The following TRIM27 variants were observed in gnomAD, a reference collection of about 807,000 sequenced individuals.
TRIM27 encodes the protein zinc finger protein RFP.
In TRIM27, 12 loss-of-function variants were observed where a neutral mutation model predicts 57.6. The observed-to-expected ratio is 0.21, with a 90% CI of 0.13 to 0.34. TRIM27 has a LOEUF of 0.34. Ranked by LOEUF, TRIM27 falls within the 10% of genes least tolerant of loss-of-function variation. The probability of loss-of-function intolerance (pLI) is 1.00; values close to 1 mark genes in which losing one functional copy is unlikely to be tolerated. For synonymous variants in TRIM27, 266 were observed against 259.0 expected (o/e 1.03, Z -0.26); for missense variants, 403 against 656.8 (o/e 0.61, Z 4.22).
At chr6:28,914,456 T>C (rs1054010212) in intron 3 of TRIM27, among the ~76,000 whole-genome samples, 2 of 151,844 alleles carry the variant, frequency 1.3e-5, no homozygotes, top group Non-Finnish European at 2.9e-5. Flanking sequence ...AATAAGCACA[T>C]AATAATATGT....
chr6:28,911,458 G>A (rs1055457), intron 4 of TRIM27: 1 of 498,224 alleles, frequency 2.0e-6, no homozygotes, highest in Admixed American at 3.8e-5. Context: ...CTCCATGGAA[G>A]TGTCCTCATA....
chr6:28,916,275 G>A (rs971973597), intron 3 of TRIM27, among the ~76,000 whole-genome samples: 11 of 152,084 alleles, frequency 7.2e-5, no homozygotes, highest in Admixed American at 2.0e-4. Context: ...GTGATAGGCC[G>A]GGCGTGGTGG....
At chr6:28,908,211 G>C in intron 6 of TRIM27, 1 of 154,370 alleles carries the variant, frequency 6.5e-6, no homozygotes, top group Non-Finnish European at 1.4e-5. Context: ...TTCTATTCTA[G>C]AAGTGTTAGA....
chr6:28,905,543 T>C (rs1772705470), intron 7 of TRIM27: 1 of 152,170 alleles, frequency 6.6e-6, no homozygotes, highest in Admixed American at 6.6e-5. Context: ...AATCACTCTT[T>C]TAAAATTATT....
At chr6:28,908,933 A>G in intron 5 of TRIM27, 40 bp downstream of exon 5, 4 of 1,601,448 alleles carry the variant, frequency 2.5e-6, no homozygotes, top group Non-Finnish European at 3.4e-6. Flanking sequence ...GATACTCAGT[A>G]TAAATCCATT....
chr6:28,908,393 T>C (rs1401990163), intron 6 of TRIM27: 1 of 183,858 alleles, frequency 5.4e-6, no homozygotes, highest in Non-Finnish European at 1.1e-5. Context: ...CGGTGCTGCC[T>C]GTCAGTGCTG....
At chr6:28,918,411 TCTAC>T (rs1013473071) in intron 3 of TRIM27, among the ~76,000 whole-genome samples, 7 of 152,178 alleles carry the variant, frequency 4.6e-5, no homozygotes, top group Non-Finnish European at 1.0e-4. Flanking sequence ...TTGTGATAGT[TCTAC>T]CTAAGATCAC....
chr6:28,907,825 ATT>A, intron 6 of TRIM27: 1 of 348,356 alleles, frequency 2.9e-6, no homozygotes, highest in Non-Finnish European at 5.6e-6. Flanking sequence ...TATCCACTGT[ATT>A]GAGTGGAGTT....
intron 3 of TRIM27, among the ~76,000 whole-genome samples, chr6:28,914,430 C>T (rs1187515732): frequency 6.6e-6 from 1 of 151,518 alleles, no homozygotes; most frequent in Non-Finnish European, 1.5e-5. Context: ...TCACTGCACC[C>T]GGCCTATCCC....
intron 3 of TRIM27, chr6:28,915,002 T>A (rs562111418): frequency 6.6e-5 from 10 of 152,174 alleles, no homozygotes; most frequent in African/African-American, 2.4e-4. Flanking sequence ...TTTCCCAATT[T>A]GTATACCTAT....
chr6:28,908,636 G>C lies in TRIM27; in HGVS notation c.919+172C>G, dbSNP rs950876873. On this transcript the variant is annotated intron_variant, in intron 6 of 7. Coordinates refer to ENST00000377199, the MANE Select transcript of TRIM27 (RefSeq NM_006510.5). ...AATACAGTTAACAAACTTCAAATTA[G>C]AACAAGAAGCTGTTAATTGAGAAAA... 2.0e-5 allele frequency: 12 copies of C among 597,160 alleles called. No homozygotes were observed. The East Asian group carries it at 3.1e-4, about 16-fold the overall frequency. 37.0% of individuals were successfully genotyped at this position (597,160 alleles called of 1,614,324 possible). A position where few individuals can be genotyped will look rare whatever the true frequency, so the allele number is the denominator to read the frequency against.
Position 28,909,762 on chromosome 6 carries a change from T to C in TRIM27, c.771-674A>G, listed in dbSNP as rs193143257. On this transcript the variant is annotated intron_variant, in intron 4 of 7. Transcript: ENST00000377199. ...ATATGGAAAGAATGACATGTTCAGA[T>C]AGAAAGGCACTGTGGGGGACATTAC... Among the ~76,000 whole-genome samples the C allele has an allele frequency of 1.9e-3, 288 of 152,278 alleles. 4 individuals are homozygous for C. The highest frequency in any genetic ancestry group is 6.6e-3 in the African/African-American group (274 of 41,566).
At chr6:28,909,826 C>A (rs571324336) in intron 4 of TRIM27, among the ~76,000 whole-genome samples, 10 of 152,310 alleles carry the variant, frequency 6.6e-5, no homozygotes, top group Non-Finnish European at 1.3e-4. Flanking sequence ...ATAGCAAAGA[C>A]TGCCAGTTGC....
chr6:28,913,498 CAT>C (rs1427372155), intron 3 of TRIM27, among the ~76,000 whole-genome samples: 1 of 151,816 alleles, frequency 6.6e-6, no homozygotes, highest in Non-Finnish European at 1.5e-5. Flanking sequence ...CACACACACA[CAT>C]ACAGTTTTGT....
At chr6:28,909,581 C>A (rs1475076493) in intron 4 of TRIM27, among the ~76,000 whole-genome samples, 2 of 152,144 alleles carry the variant, frequency 1.3e-5, no homozygotes, top group African/African-American at 2.4e-5. Context: ...CATTCTCATA[C>A]CCCCCAAAGC....
intron 6 of TRIM27, 156 bp downstream of exon 6, chr6:28,908,648 GTTAA>G: frequency 3.2e-6 from 2 of 623,550 alleles, no homozygotes; most frequent in Non-Finnish European, 5.5e-6. Flanking sequence ...ACAAGAAGCT[GTTAA>G]TTGAGAAAAT....
Position 28,910,683 on chromosome 6 carries a change from C to G in TRIM27, c.770+1013G>C, listed in dbSNP as rs146099210. On this transcript the variant is annotated intron_variant, in intron 4 of 7. Coordinates refer to ENST00000377199, the MANE Select transcript of TRIM27 (RefSeq NM_006510.5). ...TTAAGCCAATAAAATTTTGGGTTTC[C>G]TATCTTATATAGCCAAATTCAATCC... 1.9e-4 allele frequency among the ~76,000 whole-genome samples: 29 copies of G among 152,152 alleles called. No individual in the cohort carries two copies. In the East Asian group the frequency reaches 5.6e-3, roughly 29 times the overall value.
intron 6 of TRIM27, 124 bp downstream of exon 6, chr6:28,908,684 T>C (rs1021534722): frequency 1.4e-5 from 11 of 792,372 alleles, no homozygotes; most frequent in South Asian, 3.5e-5. Context: ...AAAGGGAAGA[T>C]GTAAAATATC....
intron 3 of TRIM27, chr6:28,915,293 TAAAAAAAAAAA>T (rs9256952): frequency 2.7e-5 from 3 of 111,982 alleles, no homozygotes; most frequent in Non-Finnish European, 5.4e-5. Flanking sequence ...AAAATATTCT[TAAAAAAAAAAA>T]AAAAAAAAAA....
Sources: gnomAD v4.1 joint callset for allele counts (sites outside exome capture counted in the v4.1 genomes callset) on GRCh38, gnomAD v4.1.1 for gene constraint, MANE v1.5 for transcripts, NCBI Gene and HGNC (gene_info 2026-07-23, HGNC 2026-07-21) for gene names.